The following CHST5 variants were observed in gnomAD, a reference collection of about 807,000 sequenced individuals.
CHST5 encodes carbohydrate sulfotransferase 5, also known as GST4-alpha.
For synonymous variants in CHST5, 313 were observed against 279.2 expected (o/e 1.12, Z -1.21); for missense variants, 637 against 602.1 (o/e 1.06, Z -0.61).
rs1398640112 is a variant in CHST5 at position 75,530,151 on chromosome 16, C to G, written c.234G>C (p.Leu78Phe). 6.2e-7 allele frequency: 1 copy of G among 1,613,618 alleles called. No homozygotes were observed. Among genetic ancestry groups the G allele is most frequent in the Admixed American group, 1.7e-5 (1 of 60,014 alleles). The stretch of plus-strand genomic sequence containing the variant: ...CGGGGTGCTGGCTGAAGAGCTGGCC[C>G]AAGAAGGATGAGCCCGAGCGCCACG... Reference protein sequence around the residue: ...LSSWRSGSSFLGQLFSQHPDV... With the variant: ...LSSWRSGSSFFGQLFSQHPDV... Residue 78 changes from leucine (L) to phenylalanine (F), a missense_variant, in exon 4 of 4, where the codon TTG (leucine) becomes TTC (phenylalanine). Physicochemically the swap from Leu to Phe is conservative, Grantham distance 22. Coordinates refer to ENST00000336257, the MANE Select transcript of CHST5 (RefSeq NM_024533.5).
rs1223748380 is a variant in CHST5, at chr16:75,529,816, T to C, written c.569A>G (p.Tyr190Cys). The C allele has an allele frequency of 6.2e-7, 1 of 1,613,744 alleles. No homozygotes were observed. Among genetic ancestry groups the C allele is most frequent in the South Asian group, 1.1e-5 (1 of 91,082 alleles). Reference sequence around the variant, plus strand: ...CACCTCCTTGAGCACCACGTGGCTGTAGGAGCGGCAGGCCTCCCGGGCCAG... The same window carrying C: ...CACCTCCTTGAGCACCACGTGGCTGCAGGAGCGGCAGGCCTCCCGGGCCAG... ...FSLAREACRS[Y>C]SHVVLKEVRF... The change falls in exon 4 of 4, where the codon TAC becomes TGC. Residue 190 changes from tyrosine (Y) to cysteine (C), a missense_variant. Transcript: ENST00000336257.
rs891129949 is a variant in CHST5 at position 75,530,467 on chromosome 16, C to T, written c.-83G>A. 9 of 1,454,894 alleles carry T rather than the reference C, an allele frequency of 6.2e-6. No individual in the cohort carries two copies. In the Admixed American group the frequency reaches 2.5e-4, roughly 41 times the overall value. The allele number at this position is 1,454,894 out of a possible 1,614,324, so 90.1% of individuals were successfully genotyped here. A position where few individuals can be genotyped will look rare whatever the true frequency, so the allele number is the denominator to read the frequency against. On this transcript the variant is annotated 5_prime_UTR_variant, in exon 4 of 4. Transcript: ENST00000336257. ...CTACCCATTGGACTTCCCAAGACTC[C>T]CAAGGTCTCAGTCGAGCACTTTCCC...
chr16:75,530,794 C>A lies in CHST5; in HGVS notation c.-410G>T. ...CCGAGGTTGAATCCTGGCTCTGCCA[C>A]TTCCTAGCCTATGATCTTGCTTATG... is the stretch of plus-strand genomic sequence containing the variant. On this transcript the variant is annotated 5_prime_UTR_variant, in exon 4 of 4. Coordinates refer to ENST00000336257, the MANE Select transcript of CHST5 (RefSeq NM_024533.5). The A allele has an allele frequency of 1.9e-6, 2 of 1,027,122 alleles. No homozygotes were observed. The highest frequency in any genetic ancestry group is 2.4e-6 in the Non-Finnish European group (2 of 844,154). The allele number at this position is 1,027,122 out of a possible 1,614,324, so 63.6% of individuals were successfully genotyped here.
chr16:75,535,355 G>A lies in CHST5; in HGVS notation c.-1580C>T, dbSNP rs2080553659. 6.6e-6 allele frequency: 1 copy of A among 152,480 alleles called. No individual in the cohort carries two copies. The highest frequency in any genetic ancestry group is 1.5e-5 in the Non-Finnish European group (1 of 68,344). The allele number at this position is 152,480 out of a possible 1,614,324, so 9.4% of individuals were successfully genotyped here. A position where few individuals can be genotyped will look rare whatever the true frequency, so the allele number is the denominator to read the frequency against. The stretch of plus-strand genomic sequence containing the variant: ...AGGGGCTCTAAGAGGCATGGACGAA[G>A]AGTCGGGGGTAACCAAGCCACTGGA... On this transcript the variant is annotated 5_prime_UTR_variant, in exon 2 of 4. Coordinates refer to ENST00000336257, the MANE Select transcript of CHST5 (RefSeq NM_024533.5).
rs758991791 is a variant in CHST5, at chr16:75,529,112, G to A, written c.*37C>T. The A allele has an allele frequency of 4.0e-6, 6 of 1,516,134 alleles. No homozygotes were observed. Among genetic ancestry groups the A allele is most frequent in the East Asian group, 2.3e-5 (1 of 43,876 alleles). The allele number at this position is 1,516,134 out of a possible 1,614,324, so 93.9% of individuals were successfully genotyped here. Reference sequence around the variant, plus strand: ...CATGCAGTCGCCTCCTGGGCCTGGCGACCACAGTTCGGGGCCTGCTCTAAG... The same window carrying A: ...CATGCAGTCGCCTCCTGGGCCTGGCAACCACAGTTCGGGGCCTGCTCTAAG... On this transcript the variant is annotated 3_prime_UTR_variant, in exon 4 of 4. Transcript: ENST00000336257.
chr16:75,530,781 C>A lies in CHST5; in HGVS notation c.-397G>T. 9.7e-7 allele frequency: 1 copy of A among 1,035,236 alleles called. No individual in the cohort carries two copies. The highest frequency in any genetic ancestry group is 1.2e-6 in the Non-Finnish European group (1 of 850,608). 64.1% of individuals were successfully genotyped at this position (1,035,236 alleles called of 1,614,324 possible). On this transcript the variant is annotated 5_prime_UTR_variant, in exon 4 of 4. Transcript: ENST00000336257. ...ACCACCAGGCTCGCCGAGGTTGAAT[C>A]CTGGCTCTGCCACTTCCTAGCCTAT...
chr16:75,530,214 G>C lies in CHST5; in HGVS notation c.171C>G (p.Ala57=). 6.2e-7 allele frequency: 1 copy of C among 1,613,716 alleles called. No homozygotes were observed. ...IISRPGPSSP[A]GGEDRVHVLV... is the part of the protein sequence containing the mutation. ...GCACGTGCACACGATCCTCGCCGCC[G>C]GCTGGGGATGAGGGCCCTGGCCGGG... Residue 57 remains alanine (A), a synonymous_variant, in exon 4 of 4, where the codon GCC becomes GCG. Transcript: ENST00000336257.
At chr16:75,535,622 G>A (rs1320890389) in intron 1 of CHST5, among the ~76,000 whole-genome samples, 2 of 152,204 alleles carry the variant, frequency 1.3e-5, no homozygotes, top group African/African-American at 4.8e-5. Flanking sequence ...TGCGGTCCCA[G>A]GGTGGCCGGC....
intron 3 of CHST5, among the ~76,000 whole-genome samples, chr16:75,532,526 T>G (rs1436876227): frequency 6.6e-6 from 1 of 152,094 alleles, no homozygotes; most frequent in East Asian, 1.9e-4. Flanking sequence ...TGAGCAGATC[T>G]CACCTCTGCT....
chr16:75,530,368 CG>C lies in CHST5; in HGVS notation c.16del (p.Arg6GlyfsTer27), dbSNP rs2080507875. 24 of 1,551,060 alleles carry C rather than the reference CG, an allele frequency of 1.5e-5. No individual in the cohort carries two copies. Among genetic ancestry groups the C allele is most frequent in the Non-Finnish European group, 2.0e-5 (23 of 1,147,444 alleles). MGMRA[R>X]VPKVAHSTRR... ...GGTGGAGTGGGCAACTTTAGGGACCCGGGCCCTCATGCCCATCCCATGCCCC... is the reference window on the plus strand; with the variant it reads ...GGTGGAGTGGGCAACTTTAGGGACCCGGCCCTCATGCCCATCCCATGCCCC... On this transcript the variant is annotated frameshift_variant, in exon 4 of 4. Coordinates refer to ENST00000336257, the MANE Select transcript of CHST5 (RefSeq NM_024533.5). LOFTEE classifies it low-confidence loss of function (END_TRUNC).
Position 75,529,951 on chromosome 16 carries a change from C to G in CHST5, c.434G>C (p.Trp145Ser). ...CGAGCACAGCGCGCGGCTCGTTGCC[C>G]AGTTGAAAAAGGCGGACAGGTTTCG... ...QSRNLSAFFN[W>S]ATSRALCSPP... is the part of the protein sequence containing the mutation. Residue 145 changes from tryptophan (W) to serine (S), a missense_variant, in exon 4 of 4, where the codon TGG becomes TCG. Trp to Ser is a radical substitution (Grantham distance 177). Transcript: ENST00000336257. 1 of 1,613,268 alleles carries G rather than the reference C, an allele frequency of 6.2e-7. No individual in the cohort carries two copies. Among genetic ancestry groups the G allele is most frequent in the South Asian group, 1.1e-5 (1 of 91,082 alleles).
chr16:75,529,383 G>A lies in CHST5; in HGVS notation c.1002C>T (p.Ile334=). The A allele has an allele frequency of 2.5e-6, 4 of 1,613,038 alleles. No homozygotes were observed. Among genetic ancestry groups the A allele is most frequent in the Non-Finnish European group, 3.4e-6 (4 of 1,179,912 alleles). ...WIHNITHGSG[I]GKPIEAFHTS... ...TATGGAAGGCCTCGATTGGCTTGCC[G>A]ATCCCCGACCCGTGGGTGATGTTGT... is the stretch of plus-strand genomic sequence containing the variant. Residue 334 remains isoleucine (I), a synonymous_variant, in exon 4 of 4, where the codon ATC becomes ATT. Transcript: ENST00000336257.
chr16:75,530,523 T>C lies in CHST5; in HGVS notation c.-139A>G, dbSNP rs2080509998. The stretch of plus-strand genomic sequence containing the variant: ...TACGGAGTCAAGACATAGGCCAGAA[T>C]ATAGTCTGTGCTCACAGCAGAAGTC... On this transcript the variant is annotated 5_prime_UTR_variant, in exon 4 of 4. In the 5' UTR this introduces an upstream ATG that the reference lacks. Coordinates refer to ENST00000336257, the MANE Select transcript of CHST5 (RefSeq NM_024533.5). 6.9e-7 allele frequency: 1 copy of C among 1,445,730 alleles called. No homozygotes were observed. Among genetic ancestry groups the C allele is most frequent in the Non-Finnish European group, 9.1e-7 (1 of 1,097,338 alleles). The allele number at this position is 1,445,730 out of a possible 1,614,324, so 89.6% of individuals were successfully genotyped here. A position where few individuals can be genotyped will look rare whatever the true frequency, so the allele number is the denominator to read the frequency against.
Position 75,531,498 on chromosome 16 carries a change from T to A in CHST5, c.-1114A>T. 1 of 1,295,166 alleles carries A rather than the reference T, an allele frequency of 7.7e-7. No homozygotes were observed. The highest frequency in any genetic ancestry group is 1.2e-5 in the South Asian group (1 of 80,206). The allele number at this position is 1,295,166 out of a possible 1,614,324, so 80.2% of individuals were successfully genotyped here. A position where few individuals can be genotyped will look rare whatever the true frequency, so the allele number is the denominator to read the frequency against. ...CCTGTGGGTTTGCAAGAAGATCAGT[T>A]GATGGGGAGCTGGGATGGAGCCCAA... On this transcript the variant is annotated 5_prime_UTR_variant, in exon 4 of 4. Transcript: ENST00000336257.
Position 75,529,253 on chromosome 16 carries a change from G to C in CHST5, c.1132C>G (p.Leu378Val). The C allele has an allele frequency of 6.2e-7, 1 of 1,613,088 alleles. No homozygotes were observed. Among genetic ancestry groups the C allele is most frequent in the South Asian group, 1.1e-5 (1 of 91,054 alleles). Residue 378 changes from leucine (L) to valine (V), a missense_variant, in exon 4 of 4, where the codon CTG becomes GTG. Coordinates refer to ENST00000336257, the MANE Select transcript of CHST5 (RefSeq NM_024533.5). ...QEVCAGALQLLGYRPVYSADQ... is the reference protein window; with the variant it reads ...QEVCAGALQLVGYRPVYSADQ... ...GCAGAGTACACAGGCCGGTAGCCCAGCAGCTGCAGCGCGCCGGCGCACACC... is the reference window on the plus strand; with the variant it reads ...GCAGAGTACACAGGCCGGTAGCCCACCAGCTGCAGCGCGCCGGCGCACACC...
chr16:75,533,416 G>C (rs955688609), intron 2 of CHST5, among the ~76,000 whole-genome samples: 1 of 152,020 alleles, frequency 6.6e-6, no homozygotes, highest in African/African-American at 2.4e-5. Flanking sequence ...TTAAGTCCAA[G>C]AGCCAGACTC....
At position 75,530,541 on chromosome 16, in the gene CHST5, C is replaced by G. The variant is rs1597027260; in HGVS notation, c.-157G>C. 1 of 1,436,758 alleles carries G rather than the reference C, an allele frequency of 7.0e-7. No individual in the cohort carries two copies. The highest frequency in any genetic ancestry group is 1.4e-5 in the African/African-American group (1 of 69,494). 89.0% of individuals were successfully genotyped at this position (1,436,758 alleles called of 1,614,324 possible). A position where few individuals can be genotyped will look rare whatever the true frequency, so the allele number is the denominator to read the frequency against. The stretch of plus-strand genomic sequence containing the variant: ...GCCAGAATATAGTCTGTGCTCACAG[C>G]AGAAGTCCAGTTGCAGAATAATGTG... On this transcript the variant is annotated 5_prime_UTR_variant, in exon 4 of 4. Transcript: ENST00000336257.
At position 75,531,062 on chromosome 16, in the gene CHST5, C is replaced by T; in HGVS notation, c.-678G>A. On this transcript the variant is annotated 5_prime_UTR_variant, in exon 4 of 4. Transcript: ENST00000336257. Reference sequence around the variant, plus strand: ...TGTCAGCCAGGCGCGGTGGCTCACGCCTGTAATCCCAGCATTATGGGAGGC... The same window carrying T: ...TGTCAGCCAGGCGCGGTGGCTCACGTCTGTAATCCCAGCATTATGGGAGGC... The T allele has an allele frequency of 4.0e-6, 4 of 1,001,226 alleles. No homozygotes were observed. The highest frequency in any genetic ancestry group is 4.8e-6 in the Non-Finnish European group (4 of 830,838). 62.0% of individuals were successfully genotyped at this position (1,001,226 alleles called of 1,614,324 possible).
At position 75,530,578 on chromosome 16, in the gene CHST5, A is replaced by C; in HGVS notation, c.-194T>G. 1 of 1,430,114 alleles carries C rather than the reference A, an allele frequency of 7.0e-7. No individual in the cohort carries two copies. The highest frequency in any genetic ancestry group is 3.1e-5 in the Admixed American group (1 of 32,324). 88.6% of individuals were successfully genotyped at this position (1,430,114 alleles called of 1,614,324 possible). A position where few individuals can be genotyped will look rare whatever the true frequency, so the allele number is the denominator to read the frequency against. On this transcript the variant is annotated 5_prime_UTR_variant, in exon 4 of 4. Transcript: ENST00000336257. ...TGCAGAATAATGTGGGATATCATCAAACTGTCTACCTACCCACCCACCCAC... is the reference window on the plus strand; with the variant it reads ...TGCAGAATAATGTGGGATATCATCACACTGTCTACCTACCCACCCACCCAC...
Sources: gnomAD v4.1 joint callset for allele counts (sites outside exome capture counted in the v4.1 genomes callset) on GRCh38, gnomAD v4.1.1 for gene constraint, MANE v1.5 for transcripts, NCBI Gene and HGNC (gene_info 2026-07-23, HGNC 2026-07-21) for gene names.